Variants in GNB4 observed in about 807,000 individuals in gnomAD.
GNB4 encodes guanine nucleotide-binding protein subunit beta-4.
Under a neutral mutation model 45.2 loss-of-function variants are expected in GNB4, and 28 were observed. The ratio of observed to expected loss-of-function variants is 0.62; its 90% CI spans 0.46 to 0.85. GNB4 has a LOEUF of 0.85. Ranked by LOEUF, GNB4 falls within the 40% of genes least tolerant of loss-of-function variation. GNB4 has a pLI of 0.00. For missense variants in GNB4, 321 were observed against 425.4 expected, an observed-to-expected ratio of 0.75 and a Z score of 2.16; for synonymous variants, 132 against 143.7, an observed-to-expected ratio of 0.92 and a Z score of 0.58.
chr3:179,411,539 T>G (rs997867478), intron 8 of GNB4, among the ~76,000 whole-genome samples: 1 of 148,818 alleles, frequency 6.7e-6, no homozygotes, highest in South Asian at 2.1e-4. Context: ...CACACGAACA[T>G]CTCAACAGAC....
the GNB4 span, among the ~76,000 whole-genome samples, chr3:179,480,592 C>A: frequency 6.6e-6 from 1 of 152,038 alleles, no homozygotes; most frequent in Non-Finnish European, 1.5e-5. Context: ...ATGCACTTCA[C>A]CCCCCAACCC....
At chr3:179,526,048 C>T in the GNB4 span, among the ~76,000 whole-genome samples, 12 of 152,288 alleles carry the variant, frequency 7.9e-5, no homozygotes, top group Non-Finnish European at 1.2e-4. Flanking sequence ...CAGGCTGAGT[C>T]CGAAAAGAGA....
the GNB4 span, among the ~76,000 whole-genome samples, chr3:179,483,157 T>C: frequency 6.6e-6 from 1 of 152,202 alleles, no homozygotes; most frequent in African/African-American, 2.4e-5. Context: ...TTTATTTGTC[T>C]GTTTTTCCTG....
the GNB4 span, among the ~76,000 whole-genome samples, chr3:179,490,548 C>T: frequency 6.6e-6 from 1 of 152,148 alleles, no homozygotes; most frequent in Non-Finnish European, 1.5e-5. Flanking sequence ...ATGTCAGTAG[C>T]ATGACTCAGT....
chr3:179,496,441 A>G, the GNB4 span, among the ~76,000 whole-genome samples: 1 of 152,176 alleles, frequency 6.6e-6, no homozygotes, highest in Non-Finnish European at 1.5e-5. Flanking sequence ...CAAAATAACT[A>G]CAAGACAGTC....
chr3:179,502,312 C>A, the GNB4 span, among the ~76,000 whole-genome samples: 2 of 143,920 alleles, frequency 1.4e-5, no homozygotes, highest in Non-Finnish European at 3.0e-5. Context: ...CGGCTCACTG[C>A]AACCTCCACC....
At chr3:179,519,442 G>A in the GNB4 span, among the ~76,000 whole-genome samples, 1 of 152,176 alleles carries the variant, frequency 6.6e-6, no homozygotes, top group Admixed American at 6.5e-5. Context: ...TCAATACAGA[G>A]GCTACCCACT....
the GNB4 span, among the ~76,000 whole-genome samples, chr3:179,501,621 G>C: frequency 6.6e-6 from 1 of 151,970 alleles, no homozygotes; most frequent in African/African-American, 2.4e-5. Context: ...CACCATGTCT[G>C]GTCCCAATTG....
intron 9 of GNB4, among the ~76,000 whole-genome samples, chr3:179,403,331 T>C (rs1714361992): frequency 6.7e-6 from 1 of 150,042 alleles, no homozygotes; most frequent in South Asian, 2.1e-4. Context: ...ACACAAAAGA[T>C]GATGCTTGAA....
chr3:179,480,840 CA>C, the GNB4 span, among the ~76,000 whole-genome samples: 3 of 134,766 alleles, frequency 2.2e-5, no homozygotes, highest in Admixed American at 1.5e-4. Flanking sequence ...AAACTGATTT[CA>C]TTTTTTTTTT....
At chr3:179,435,379 T>C (rs1014623728) in intron 1 of GNB4, among the ~76,000 whole-genome samples, 1 of 151,180 alleles carries the variant, frequency 6.6e-6, no homozygotes, top group Non-Finnish European at 1.5e-5. Context: ...CCCAGGGTTC[T>C]ATCTTCATCA....
At chr3:179,506,041 A>G in the GNB4 span, among the ~76,000 whole-genome samples, 1 of 152,240 alleles carries the variant, frequency 6.6e-6, no homozygotes, top group Non-Finnish European at 1.5e-5. Context: ...GTTGAATAGC[A>G]GTATAGAAAT....
At chr3:179,525,923 C>T in the GNB4 span, among the ~76,000 whole-genome samples, 2 of 152,190 alleles carry the variant, frequency 1.3e-5, no homozygotes, top group Non-Finnish European at 2.9e-5. Flanking sequence ...ACCGGTCTCC[C>T]GAAGGAGTCC....
the GNB4 span, among the ~76,000 whole-genome samples, chr3:179,517,036 A>G: frequency 6.6e-6 from 1 of 152,178 alleles, no homozygotes; most frequent in Non-Finnish European, 1.5e-5. Flanking sequence ...CTTTCAGTCC[A>G]TATAACAGCA....
At chr3:179,495,488 T>TAAAG in the GNB4 span, among the ~76,000 whole-genome samples, 2 of 93,216 alleles carry the variant, frequency 2.1e-5, no homozygotes, top group East Asian at 5.4e-4. Context: ...AAGAAAGAAG[T>TAAAG]AAAGAAAGAA....
chr3:179,470,944 C>T, the GNB4 span, among the ~76,000 whole-genome samples: 1 of 152,134 alleles, frequency 6.6e-6, no homozygotes, highest in Non-Finnish European at 1.5e-5. Context: ...CTTTGGGAGA[C>T]TGAGGAGGGC....
chr3:179,428,400 C>T (rs1715206208), intron 1 of GNB4, among the ~76,000 whole-genome samples: 1 of 152,146 alleles, frequency 6.6e-6, no homozygotes, highest in East Asian at 1.9e-4. Flanking sequence ...AGATTACAGC[C>T]GGTCTGGAAT....
At chr3:179,489,662 A>G in the GNB4 span, among the ~76,000 whole-genome samples, 2 of 152,210 alleles carry the variant, frequency 1.3e-5, no homozygotes, top group African/African-American at 4.8e-5. Flanking sequence ...TTTAATTAAA[A>G]AAATTAAAAG....
chr3:179,455,197 T>C (rs901985327), upstream of GNB4, among the ~76,000 whole-genome samples: 1 of 152,180 alleles, frequency 6.6e-6, no homozygotes, highest in Non-Finnish European at 1.5e-5. Context: ...AGAGGGTCAA[T>C]GATATCTGTC....
Sources: gnomAD v4.1 joint callset for allele counts (sites outside exome capture counted in the v4.1 genomes callset) on GRCh38, gnomAD v4.1.1 for gene constraint, MANE v1.5 for transcripts, NCBI Gene and HGNC (gene_info 2026-07-23, HGNC 2026-07-21) for gene names.